CDH11: variants seen among roughly 807,000 people sequenced by gnomAD.
The protein encoded by CDH11 is cadherin 11.
CDH11 carries 11 observed loss-of-function variants against 67.8 expected under a neutral mutation model. The observed-to-expected ratio is 0.16, with a 90% CI of 0.10 to 0.27. CDH11 has a LOEUF of 0.27. Among genes scored for constraint, CDH11 ranks in the 10% least tolerant of loss-of-function variants. CDH11 has a pLI of 1.00. For synonymous variants in CDH11, 419 were observed against 400.0 expected, an observed-to-expected ratio of 1.05 and a Z score of -0.57; for missense variants, 847 against 1,031.2, an observed-to-expected ratio of 0.82 and a Z score of 2.45.
At chr16:64,950,638 C>CT in intron 12 of CDH11, 129 bp downstream of exon 12, 3 of 609,562 alleles carry the variant, frequency 4.9e-6, no homozygotes, top group Non-Finnish European at 4.7e-6. Context: ...TACCCCACTT[C>CT]TTTTCTTGAA....
intron 2 of CDH11, among the ~76,000 whole-genome samples, chr16:65,047,407 GT>G (rs1351799261): frequency 6.6e-6 from 1 of 151,476 alleles, no homozygotes; most frequent in Non-Finnish European, 1.5e-5. Context: ...TTGGAGTGCA[GT>G]TGGTGCAGTC....
At chr16:64,968,632 C>T (rs1431466912) in intron 11 of CDH11, 1 of 833,542 alleles carries the variant, frequency 1.2e-6, no homozygotes, top group African/African-American at 1.8e-5. Context: ...ATGGCTTTTC[C>T]TCTTATATTT....
intron 2 of CDH11, among the ~76,000 whole-genome samples, chr16:65,011,114 C>CAT (rs2073175656): frequency 1.1e-5 from 1 of 88,570 alleles, no homozygotes. Flanking sequence ...TATATATATA[C>CAT]ATACACACAC....
chr16:65,053,836 T>C lies in CDH11; in HGVS notation c.-205A>G, dbSNP rs1480462785. On this transcript the variant is annotated 5_prime_UTR_variant, in exon 2 of 13. Transcript: ENST00000268603. ...ACCCATTGGATACTTGCTGCCAATT[T>C]CTGTAACACACTCCACCCATCTGAT... The C allele has an allele frequency of 2.2e-6, 1 of 456,062 alleles. No homozygotes were observed. Among genetic ancestry groups the C allele is most frequent in the Non-Finnish European group, 4.4e-6 (1 of 226,782 alleles). The allele number at this position is 456,062 out of a possible 1,614,324, so 28.3% of individuals were successfully genotyped here. A position where few individuals can be genotyped will look rare whatever the true frequency, so the allele number is the denominator to read the frequency against.
chr16:65,010,893 C>T (rs1424226415), intron 2 of CDH11, among the ~76,000 whole-genome samples: 1 of 149,646 alleles, frequency 6.7e-6, no homozygotes, highest in African/African-American at 2.5e-5. Flanking sequence ...ACAGTATGCT[C>T]AGGGCTTGGT....
chr16:65,069,098 C>G (rs2074370198), intron 1 of CDH11, among the ~76,000 whole-genome samples: 1 of 152,172 alleles, frequency 6.6e-6, no homozygotes, highest in African/African-American at 2.4e-5. Context: ...CAACAAGAAA[C>G]ACTCTTTTAC....
intron 3 of CDH11, among the ~76,000 whole-genome samples, chr16:65,001,340 T>C (rs1303511029): frequency 6.6e-6 from 1 of 152,218 alleles, no homozygotes; most frequent in African/African-American, 2.4e-5. Context: ...TGATGGCCTA[T>C]GACGGATGAA....
chr16:65,013,488 G>A (rs569446593), intron 2 of CDH11, among the ~76,000 whole-genome samples: 1 of 152,172 alleles, frequency 6.6e-6, no homozygotes, highest in South Asian at 2.1e-4. Flanking sequence ...TACACTAGAG[G>A]TGGAAATCAG....
At chr16:64,955,316 C>T (rs867571631) in intron 11 of CDH11, among the ~76,000 whole-genome samples, 3 of 152,068 alleles carry the variant, frequency 2.0e-5, no homozygotes, top group African/African-American at 7.2e-5. Flanking sequence ...GTGGCGCATG[C>T]CTATAATTCC....
At position 65,100,520 on chromosome 16, in the gene CDH11, C is replaced by T. The variant is rs375164414; in HGVS notation, c.-298+21360G>A. 4.5e-4 allele frequency among the ~76,000 whole-genome samples: 68 copies of T among 152,104 alleles called. No homozygotes were observed. The South Asian group carries it at 0.014, about 31-fold the overall frequency. Reference sequence around the variant, plus strand: ...TTAGAAGGCCGAGGCAGGCAGATCACGAGGTCAGGAAATCGAGACCATCCT... The same window carrying T: ...TTAGAAGGCCGAGGCAGGCAGATCATGAGGTCAGGAAATCGAGACCATCCT... On this transcript the variant is annotated intron_variant, in intron 1 of 12. Coordinates refer to ENST00000268603, the MANE Select transcript of CDH11 (RefSeq NM_001797.4).
chr16:64,948,008 A>G lies in CDH11; in HGVS notation c.1986T>C (p.Thr662=). ...EEEDVRENII[T]YDDEGGGEED... Reference sequence around the variant, plus strand: ...CTTCCCCACCCCCTTCATCATCATAAGTAATGATGTTCTCACGGACATCTT... The same window carrying G: ...CTTCCCCACCCCCTTCATCATCATAGGTAATGATGTTCTCACGGACATCTT... The change falls in exon 13 of 13, where the codon ACT becomes ACC. Residue 662 remains threonine, a synonymous_variant. Transcript: ENST00000268603. 1 of 1,614,166 alleles carries G rather than the reference A, an allele frequency of 6.2e-7. No homozygotes were observed. The highest frequency in any genetic ancestry group is 8.5e-7 in the Non-Finnish European group (1 of 1,180,020).
At chr16:65,039,626 A>T (rs1407125788) in intron 2 of CDH11, among the ~76,000 whole-genome samples, 1 of 152,200 alleles carries the variant, frequency 6.6e-6, no homozygotes. Flanking sequence ...AACCTAGGCA[A>T]TACCATTCAG....
chr16:64,995,387 A>G (rs1380502739), intron 4 of CDH11, among the ~76,000 whole-genome samples: 2 of 152,238 alleles, frequency 1.3e-5, no homozygotes, highest in African/African-American at 4.8e-5. Context: ...GCTGGTGCAA[A>G]AACAGACACA....
At chr16:64,980,783 G>T (rs1005057852) in intron 8 of CDH11, among the ~76,000 whole-genome samples, 2 of 152,166 alleles carry the variant, frequency 1.3e-5, no homozygotes, top group Non-Finnish European at 2.9e-5. Flanking sequence ...CACTCTGGCT[G>T]CAGAGTCAGG....
intron 2 of CDH11, among the ~76,000 whole-genome samples, chr16:65,031,445 C>G (rs2073642130): frequency 6.6e-6 from 1 of 152,110 alleles, no homozygotes; most frequent in Admixed American, 6.5e-5. Context: ...GTCACATAAA[C>G]CAAGGTATGA....
At chr16:65,105,312 G>A (rs2075050012) in intron 1 of CDH11, among the ~76,000 whole-genome samples, 1 of 152,180 alleles carries the variant, frequency 6.6e-6, no homozygotes, top group Admixed American at 6.5e-5. Context: ...AGGGAGACTG[G>A]GAAATATTCC....
intron 8 of CDH11, among the ~76,000 whole-genome samples, chr16:64,973,641 A>G (rs2072075087): frequency 6.6e-6 from 1 of 152,108 alleles, no homozygotes; most frequent in Admixed American, 6.5e-5. Context: ...TCGCATCTCT[A>G]CTAAAAAATA....
intron 2 of CDH11, among the ~76,000 whole-genome samples, chr16:65,041,281 A>G (rs1327947188): frequency 1.3e-5 from 2 of 152,042 alleles, no homozygotes; most frequent in East Asian, 3.9e-4. Context: ...ACACATGGGT[A>G]CCAACTGATT....
chr16:65,009,846 G>C (rs1263533764), intron 2 of CDH11, among the ~76,000 whole-genome samples: 1 of 152,182 alleles, frequency 6.6e-6, no homozygotes, highest in Non-Finnish European at 1.5e-5. Flanking sequence ...GATGTGCAAA[G>C]CCACCAGCTC....
Sources: gnomAD v4.1 joint callset for allele counts (sites outside exome capture counted in the v4.1 genomes callset) on GRCh38, gnomAD v4.1.1 for gene constraint, MANE v1.5 for transcripts, NCBI Gene and HGNC (gene_info 2026-07-23, HGNC 2026-07-21) for gene names.